The following SORCS2 variants were observed in gnomAD, a reference collection of about 807,000 sequenced individuals.
SORCS2 encodes the protein sortilin related VPS10 domain containing receptor 2.
Under a neutral mutation model 141.6 loss-of-function variants are expected in SORCS2, and 100 were observed. The ratio of observed to expected loss-of-function variants is 0.71; its 90% CI spans 0.60 to 0.83. The LOEUF (loss-of-function observed/expected upper bound fraction) is 0.83. Ranked by LOEUF, SORCS2 falls within the 40% of genes least tolerant of loss-of-function variation. The pLI, the probability that SORCS2 is intolerant of heterozygous loss-of-function variation, is 0.00. For missense variants in SORCS2, 1,646 were observed against 1,560.2 expected (o/e 1.05, Z -0.93); for synonymous variants, 789 against 676.9 (o/e 1.17, Z -2.57).
chr4:7,622,228 G>A (rs2108831115), intron 3 of SORCS2, among the ~76,000 whole-genome samples: 1 of 152,236 alleles, frequency 6.6e-6, no homozygotes, highest in Non-Finnish European at 1.5e-5. Context: ...AAGGAGGAGG[G>A]TGACCCACTT....
At chr4:7,245,016 G>A (rs28566604) in intron 1 of SORCS2, among the ~76,000 whole-genome samples, 1 of 152,014 alleles carries the variant, frequency 6.6e-6, no homozygotes, top group Admixed American at 6.5e-5. Flanking sequence ...CAAGGTGGCC[G>A]CCTACCTGGG....
At chr4:7,725,735 T>A (rs1727173943) in intron 20 of SORCS2, among the ~76,000 whole-genome samples, 1 of 152,122 alleles carries the variant, frequency 6.6e-6, no homozygotes, top group East Asian at 1.9e-4. Flanking sequence ...CACAGATAGT[T>A]CTTGAGCAGG....
intron 1 of SORCS2, among the ~76,000 whole-genome samples, chr4:7,236,809 C>T (rs1004632129): frequency 1.3e-5 from 2 of 152,182 alleles, no homozygotes; most frequent in African/African-American, 4.8e-5. Flanking sequence ...TCGAACTCCT[C>T]ACCTCAGGTG....
intron 1 of SORCS2, among the ~76,000 whole-genome samples, chr4:7,294,670 TC>T (rs1716841349): frequency 2.7e-5 from 1 of 37,668 alleles, no homozygotes; most frequent in Admixed American, 2.1e-4. Flanking sequence ...TTCCTCTCCC[TC>T]CTCCTCCTCC....
intron 1 of SORCS2, among the ~76,000 whole-genome samples, chr4:7,238,382 T>G (rs1371044717): frequency 6.6e-6 from 1 of 152,188 alleles, no homozygotes; most frequent in Non-Finnish European, 1.5e-5. Context: ...AGGCTGTTGT[T>G]AAATTTTTTT....
chr4:7,321,347 A>G (rs1718883012), intron 1 of SORCS2, among the ~76,000 whole-genome samples: 1 of 152,108 alleles, frequency 6.6e-6, no homozygotes, highest in Non-Finnish European at 1.5e-5. Flanking sequence ...TCATTGGTTG[A>G]TGGGCACTTA....
intron 25 of SORCS2, among the ~76,000 whole-genome samples, chr4:7,735,634 G>A (rs1712103482): frequency 6.6e-6 from 1 of 152,188 alleles, no homozygotes; most frequent in South Asian, 2.1e-4. Flanking sequence ...AGTAAAATAG[G>A]GTCTGTCCTG....
At chr4:7,366,737 T>C (rs1721922082) in intron 1 of SORCS2, among the ~76,000 whole-genome samples, 1 of 152,050 alleles carries the variant, frequency 6.6e-6, no homozygotes, top group African/African-American at 2.4e-5. Flanking sequence ...ATGGCCTGTG[T>C]GCTCACCACA....
intron 24 of SORCS2, among the ~76,000 whole-genome samples, chr4:7,733,797 C>T (rs530165822): frequency 6.6e-6 from 1 of 152,358 alleles, no homozygotes; most frequent in African/African-American, 2.4e-5. Flanking sequence ...GGCAGGTTCG[C>T]CCCACACCAG....
chr4:7,561,474 A>G (rs1317555393), intron 3 of SORCS2, among the ~76,000 whole-genome samples: 1 of 109,114 alleles, frequency 9.2e-6, no homozygotes, highest in Non-Finnish European at 1.9e-5. Flanking sequence ...CCATTCATCC[A>G]TCTACCTGTC....
chr4:7,371,977 C>G (rs367852053), intron 1 of SORCS2, among the ~76,000 whole-genome samples: 8 of 152,130 alleles, frequency 5.3e-5, no homozygotes, highest in African/African-American at 1.9e-4. Context: ...AGGGAAGATG[C>G]CTATCCTGGC....
rs977737102 is a variant in SORCS2, at chr4:7,648,642, C to T, written c.814-5492C>T. On this transcript the variant is annotated intron_variant, in intron 4 of 26. Transcript: ENST00000507866. The surrounding 1 kb of genome is among the most constrained non-coding windows in gnomAD (Gnocchi z 4.2). ...TAGAAGCTGCTGGGTCTACTGAGGG[C>T]GGGCGGGGAGTGAGGGGGCTGCCAA... 1.3e-4 allele frequency among the ~76,000 whole-genome samples: 19 copies of T among 143,828 alleles called. No individual in the cohort carries two copies. Among genetic ancestry groups the T allele is most frequent in the East Asian group, 2.4e-4 (1 of 4,178 alleles). 94.4% of individuals were successfully genotyped at this position (143,828 alleles called of 152,430 possible).
At chr4:7,327,209 G>A (rs751426895) in intron 1 of SORCS2, among the ~76,000 whole-genome samples, 35 of 152,204 alleles carry the variant, frequency 2.3e-4, no homozygotes, top group Non-Finnish European at 4.7e-4. Flanking sequence ...TGGAGGCAGA[G>A]GTCTATAATC....
intron 2 of SORCS2, among the ~76,000 whole-genome samples, chr4:7,420,808 G>A (rs1000598813): frequency 2.0e-5 from 3 of 152,144 alleles, no homozygotes; most frequent in Admixed American, 6.5e-5. Context: ...CAGCCAGCCC[G>A]CCTGCCACCG....
At chr4:7,340,117 G>T (rs1464940900) in intron 1 of SORCS2, among the ~76,000 whole-genome samples, 2 of 152,196 alleles carry the variant, frequency 1.3e-5, no homozygotes, top group Non-Finnish European at 2.9e-5. Context: ...CTCACAAGAT[G>T]AGTGTCCTTA....
At chr4:7,695,923 GAT>G (rs1724671343) in intron 11 of SORCS2, among the ~76,000 whole-genome samples, 1 of 96,642 alleles carries the variant, frequency 1.0e-5, no homozygotes, top group Admixed American at 1.1e-4. Flanking sequence ...TGGATGGATG[GAT>G]TGGTGGGTGG....
intron 2 of SORCS2, among the ~76,000 whole-genome samples, chr4:7,424,469 A>G (rs913304903): frequency 4.6e-5 from 7 of 152,176 alleles, no homozygotes; most frequent in Non-Finnish European, 7.4e-5. Flanking sequence ...CCCCTTGGCT[A>G]TAAAATCCGG....
chr4:7,396,055 C>A (rs1724189278), intron 1 of SORCS2, among the ~76,000 whole-genome samples: 2 of 152,188 alleles, frequency 1.3e-5, no homozygotes, highest in African/African-American at 4.8e-5. Context: ...TTCAGATGTT[C>A]CCAGAGTCAT....
At chr4:7,439,231 A>G (rs773976926) in intron 2 of SORCS2, among the ~76,000 whole-genome samples, 14 of 152,120 alleles carry the variant, frequency 9.2e-5, no homozygotes, top group Non-Finnish European at 2.1e-4. Flanking sequence ...TAACATATTC[A>G]TCCATCCATC....
Sources: allele counts gnomAD v4.1 joint callset (sites outside exome capture counted in the v4.1 genomes callset), GRCh38; gene constraint gnomAD v4.1.1; non-coding constraint Gnocchi (gnomAD v3.1); transcripts MANE v1.5; gene names NCBI Gene and HGNC (gene_info 2026-07-23, HGNC 2026-07-21).